Variants in NCAM1 observed in about 807,000 individuals in gnomAD.
NCAM1 encodes antigen recognized by monoclonal antibody 5.1H11.
NCAM1 carries 14 observed loss-of-function variants against 109.8 expected under a neutral mutation model. The observed-to-expected ratio is 0.13, with a 90% CI of 0.08 to 0.20. The LOEUF is 0.20. Among genes scored for constraint, NCAM1 ranks in the 10% least tolerant of loss-of-function variants. The pLI, the probability that NCAM1 is intolerant of heterozygous loss-of-function variation, is 1.00. For synonymous variants in NCAM1, 418 were observed against 442.9 expected, an observed-to-expected ratio of 0.94 and a Z score of 0.70; for missense variants, 774 against 1,109.9, an observed-to-expected ratio of 0.70 and a Z score of 4.30.
In NCAM1 at chr11:113,277,185, T is replaced by A; in HGVS notation, c.*1798T>A. The A allele has an allele frequency of 2.5e-6, 1 of 396,968 alleles. No homozygotes were observed. Among genetic ancestry groups the A allele is most frequent in the Non-Finnish European group, 4.4e-6 (1 of 225,340 alleles). 24.6% of individuals were successfully genotyped at this position (396,968 alleles called of 1,614,324 possible). On this transcript the variant is annotated 3_prime_UTR_variant, in exon 20 of 20. Coordinates refer to ENST00000316851, the MANE Select transcript of NCAM1 (RefSeq NM_181351.5). ...TCCTAAGGTACAAAGCAGCAAGAGG[T>A]TAGGGTGGCAAGGCTGCCTCTGGGT...
intron 1 of NCAM1, among the ~76,000 whole-genome samples, chr11:113,018,786 G>GA (rs1456321569): frequency 1.3e-5 from 2 of 151,978 alleles, no homozygotes; most frequent in African/African-American, 4.8e-5. Flanking sequence ...GCTTTCTCTT[G>GA]AAAATCTGAT....
intron 1 of NCAM1, among the ~76,000 whole-genome samples, chr11:112,976,846 T>TTTTAA (rs1467217274): frequency 1.3e-5 from 2 of 151,934 alleles, no homozygotes; most frequent in Non-Finnish European, 2.9e-5. Flanking sequence ...TAGAAGTTGT[T>TTTTAA]TTTTAAAAAG....
intron 1 of NCAM1, among the ~76,000 whole-genome samples, chr11:113,179,240 A>G (rs782679808): frequency 2.0e-5 from 3 of 152,232 alleles, no homozygotes; most frequent in Non-Finnish European, 4.4e-5. Context: ...AACAATTTTG[A>G]AGCCTAGCCT....
intron 1 of NCAM1, among the ~76,000 whole-genome samples, chr11:113,185,427 A>G (rs1251405470): frequency 6.6e-6 from 1 of 152,170 alleles, no homozygotes; most frequent in Non-Finnish European, 1.5e-5. Context: ...CAGTCTACCC[A>G]ATTTCAATGT....
At chr11:113,161,127 G>GA (rs1371248523) in intron 1 of NCAM1, among the ~76,000 whole-genome samples, 3 of 151,986 alleles carry the variant, frequency 2.0e-5, no homozygotes, top group Admixed American at 2.0e-4. Flanking sequence ...ATCCGTTTTA[G>GA]AAAAAAATTG....
chr11:113,248,113 T>G (rs181735305), intron 15 of NCAM1, among the ~76,000 whole-genome samples: 47 of 152,170 alleles, frequency 3.1e-4, no homozygotes, highest in African/African-American at 1.1e-3. Flanking sequence ...TGAAGAGAGA[T>G]CTCTTCCAGA....
At chr11:113,266,925 T>C (rs1946143244) in intron 17 of NCAM1, among the ~76,000 whole-genome samples, 1 of 152,138 alleles carries the variant, frequency 6.6e-6, no homozygotes, top group African/African-American at 2.4e-5. Flanking sequence ...TCTCCACCCA[T>C]GCTCCTGCCC....
At chr11:112,998,760 T>C (rs782389130) in intron 1 of NCAM1, among the ~76,000 whole-genome samples, 12 of 152,216 alleles carry the variant, frequency 7.9e-5, no homozygotes, top group Non-Finnish European at 1.2e-4. Flanking sequence ...ATGTCTTTCA[T>C]ACACACACGA....
intron 1 of NCAM1, among the ~76,000 whole-genome samples, chr11:113,052,688 A>G (rs782390584): frequency 9.2e-5 from 14 of 152,160 alleles, no homozygotes; most frequent in Non-Finnish European, 1.6e-4. Flanking sequence ...TCTGTTGTTT[A>G]TTAGTATTTT....
At chr11:113,054,929 CT>C (rs1953636807) in intron 1 of NCAM1, among the ~76,000 whole-genome samples, 1 of 152,052 alleles carries the variant, frequency 6.6e-6, no homozygotes, top group Admixed American at 6.6e-5. Context: ...AAAGTTATAC[CT>C]TAAAGTGACC....
At chr11:112,966,176 T>A (rs1443227497) in intron 1 of NCAM1, among the ~76,000 whole-genome samples, 1 of 152,238 alleles carries the variant, frequency 6.6e-6, no homozygotes, top group Non-Finnish European at 1.5e-5. Context: ...AGCATTTTAC[T>A]GATCTTAAAA....
At chr11:113,017,635 T>TTTTG (rs1555075494) in intron 1 of NCAM1, among the ~76,000 whole-genome samples, 2 of 145,284 alleles carry the variant, frequency 1.4e-5, no homozygotes, top group African/African-American at 5.0e-5. Flanking sequence ...CAGTACTGTT[T>TTTTG]TGTGTGTGTG....
At chr11:113,018,219 C>T (rs1280703612) in intron 1 of NCAM1, among the ~76,000 whole-genome samples, 1 of 151,816 alleles carries the variant, frequency 6.6e-6, no homozygotes, top group Non-Finnish European at 1.5e-5. Flanking sequence ...AATTTACCAT[C>T]TTAATCATTT....
chr11:113,232,569 A>C, intron 11 of NCAM1, 149 bp from the exon 12 acceptor site: 1 of 802,028 alleles, frequency 1.2e-6, no homozygotes, highest in South Asian at 1.8e-5. Context: ...CCCCTCTGCT[A>C]TTCTTTTCTC....
At chr11:113,155,543 T>A (rs1555103328) in intron 1 of NCAM1, among the ~76,000 whole-genome samples, 1 of 150,450 alleles carries the variant, frequency 6.6e-6, no homozygotes, top group Non-Finnish European at 1.5e-5. Flanking sequence ...ACAAAAAAAA[T>A]AGTCTTAGAA....
intron 1 of NCAM1, among the ~76,000 whole-genome samples, chr11:113,025,392 A>G (rs577426372): frequency 1.2e-3 from 189 of 152,256 alleles, no homozygotes; most frequent in African/African-American, 4.2e-3. Context: ...CCGAGCACCT[A>G]CTTCTGCATC....
chr11:113,247,560 G>A (rs1945536557), intron 15 of NCAM1, among the ~76,000 whole-genome samples: 1 of 152,098 alleles, frequency 6.6e-6, no homozygotes, highest in African/African-American at 2.4e-5. Flanking sequence ...CCATCTCTGA[G>A]CCCCTCAGCT....
intron 17 of NCAM1, chr11:113,262,843 C>A (rs1555123641): frequency 3.1e-6 from 5 of 1,613,762 alleles, no homozygotes; most frequent in Non-Finnish European, 4.2e-6. Context: ...TTGACACCTG[C>A]AGCAACCTTG....
At chr11:113,245,357 G>T (rs534792331) in intron 14 of NCAM1, among the ~76,000 whole-genome samples, 4 of 152,338 alleles carry the variant, frequency 2.6e-5, no homozygotes, top group African/African-American at 9.6e-5. Context: ...CAGAAAGATT[G>T]CTTGAGCCCG....
Sources: allele counts gnomAD v4.1 joint callset (sites outside exome capture counted in the v4.1 genomes callset), GRCh38; gene constraint gnomAD v4.1.1; transcripts MANE v1.5; gene names NCBI Gene and HGNC (gene_info 2026-07-23, HGNC 2026-07-21).